CCSER1: variants seen among roughly 807,000 people sequenced by gnomAD.
CCSER1 encodes serine-rich coiled-coil domain-containing protein 1.
In CCSER1, 41 loss-of-function variants were observed where a neutral mutation model predicts 82.0. The ratio of observed to expected loss-of-function variants is 0.50; its 90% CI spans 0.39 to 0.65. The LOEUF (loss-of-function observed/expected upper bound fraction) is 0.65, where lower values mean the gene tolerates loss of function less well. CCSER1 is among the 30% of genes least tolerant of loss of function. The pLI, the probability that CCSER1 is intolerant of heterozygous loss-of-function variation, is 0.00. For synonymous variants in CCSER1, 414 were observed against 383.9 expected, an observed-to-expected ratio of 1.08 and a Z score of -0.92; for missense variants, 1,119 against 1,064.2, an observed-to-expected ratio of 1.05 and a Z score of -0.72.
chr4:90,684,357 G>T (rs1018374283), intron 6 of CCSER1, among the ~76,000 whole-genome samples: 1 of 152,014 alleles, frequency 6.6e-6, no homozygotes, highest in Non-Finnish European at 1.5e-5. Context: ...AGGATCAAAT[G>T]GCATAACTAG....
chr4:91,205,545 G>A (rs902929998), intron 10 of CCSER1, among the ~76,000 whole-genome samples: 1 of 151,630 alleles, frequency 6.6e-6, no homozygotes, highest in Non-Finnish European at 1.5e-5. Flanking sequence ...GAGAGTCTCA[G>A]TTTTCTTCTT....
intron 1 of CCSER1, among the ~76,000 whole-genome samples, chr4:90,135,235 G>T (rs1025729174): frequency 1.3e-5 from 2 of 152,048 alleles, no homozygotes; most frequent in Non-Finnish European, 2.9e-5. Flanking sequence ...TAGTAATTAG[G>T]CTTACTTCTA....
intron 5 of CCSER1, among the ~76,000 whole-genome samples, chr4:90,618,262 A>G (rs1052453680): frequency 3.3e-5 from 5 of 152,034 alleles, no homozygotes; most frequent in African/African-American, 1.2e-4. Flanking sequence ...GATTATGCCA[A>G]TACTTTTAGG....
At chr4:90,236,176 G>A (rs1033545469) in intron 1 of CCSER1, among the ~76,000 whole-genome samples, 2 of 152,078 alleles carry the variant, frequency 1.3e-5, no homozygotes, top group Non-Finnish European at 1.5e-5. Flanking sequence ...CAGTCCTCCC[G>A]CTGTGGCCTC....
intron 8 of CCSER1, among the ~76,000 whole-genome samples, chr4:90,905,724 A>G (rs1422901900): frequency 6.6e-6 from 1 of 152,150 alleles, no homozygotes; most frequent in Non-Finnish European, 1.5e-5. Context: ...CTATGTCATG[A>G]GAGCATTGTG....
intron 4 of CCSER1, among the ~76,000 whole-genome samples, chr4:90,420,351 G>T (rs1195246026): frequency 2.0e-5 from 3 of 151,980 alleles, no homozygotes; most frequent in African/African-American, 7.2e-5. Context: ...AACTGGGAGA[G>T]AATTTTAGAA....
At chr4:90,398,687 C>G (rs1005532332) in intron 3 of CCSER1, among the ~76,000 whole-genome samples, 1 of 152,080 alleles carries the variant, frequency 6.6e-6, no homozygotes, top group African/African-American at 2.4e-5. Flanking sequence ...TGGACTATCG[C>G]TGACACTGTA....
intron 10 of CCSER1, among the ~76,000 whole-genome samples, chr4:91,488,845 A>C (rs1758359216): frequency 6.6e-6 from 1 of 152,196 alleles, no homozygotes; most frequent in African/African-American, 2.4e-5. Flanking sequence ...GAAATAAACA[A>C]AGCCCCTGCG....
chr4:90,391,504 A>AATATATATAT (rs70963065), intron 3 of CCSER1, among the ~76,000 whole-genome samples: 1,085 of 79,368 alleles, frequency 0.014, 46 homozygotes, highest in East Asian at 0.046. Context: ...ACAGTGGGTA[A>AATATATATAT]ATATATATAT....
chr4:90,782,681 C>CTTTTTTTTT lies in CCSER1; in HGVS notation c.2011-33078_2011-33077insTTTTTTTTT, dbSNP rs200701722. 1.1e-3 allele frequency among the ~76,000 whole-genome samples: 141 copies of CTTTTTTTTT among 123,944 alleles called. 3 individuals are homozygous for CTTTTTTTTT. Among genetic ancestry groups the CTTTTTTTTT allele is most frequent in the South Asian group, 2.6e-3 (10 of 3,918 alleles). The allele number at this position is 123,944 out of a possible 152,430, so 81.3% of individuals were successfully genotyped here. On this transcript the variant is annotated intron_variant, in intron 7 of 10. Transcript: ENST00000509176. The stretch of plus-strand genomic sequence containing the variant: ...GGACAGGGATTTCTTTCTTTTCTTT[C>CTTTTTTTTT]TTTCTTTTTTTTTTTTTTTTGAGAC...
At chr4:91,195,965 A>G (rs10028548) in intron 10 of CCSER1, among the ~76,000 whole-genome samples, 98,613 of 151,888 alleles carry the variant, frequency 0.65, 33,288 homozygotes, top group African/African-American at 0.83. Context: ...TGATCCGCCC[A>G]CCTCGGCCTC....
chr4:90,811,906 TATATACACAC>T (rs1420235789), intron 7 of CCSER1, among the ~76,000 whole-genome samples: 2 of 76,288 alleles, frequency 2.6e-5, no homozygotes, highest in Non-Finnish European at 5.8e-5. Context: ...ATGGAATATA[TATATACACAC>T]ACACACACAC....
At chr4:91,573,106 A>C (rs1763271225) in intron 10 of CCSER1, among the ~76,000 whole-genome samples, 1 of 152,130 alleles carries the variant, frequency 6.6e-6, no homozygotes, top group Admixed American at 6.5e-5. Flanking sequence ...TGGCAGTCTG[A>C]CCACATTGTG....
At chr4:90,132,131 C>A (rs1370301111) in intron 1 of CCSER1, among the ~76,000 whole-genome samples, 1 of 152,082 alleles carries the variant, frequency 6.6e-6, no homozygotes, top group Non-Finnish European at 1.5e-5. Flanking sequence ...AAAGTGAAAG[C>A]CTATTTAATC....
intron 6 of CCSER1, among the ~76,000 whole-genome samples, chr4:90,702,367 A>G (rs986867712): frequency 1.3e-5 from 2 of 152,106 alleles, no homozygotes; most frequent in African/African-American, 2.4e-5. Context: ...TGCTGGATTC[A>G]GTTTGCCAGT....
chr4:90,690,296 A>G (rs1033237602), intron 6 of CCSER1, among the ~76,000 whole-genome samples: 19 of 152,228 alleles, frequency 1.2e-4, no homozygotes, highest in African/African-American at 4.6e-4. Context: ...TTGAGTAGAA[A>G]AATGAAGAGA....
chr4:91,028,522 C>T (rs1387935886), intron 9 of CCSER1, among the ~76,000 whole-genome samples: 1 of 151,942 alleles, frequency 6.6e-6, no homozygotes, highest in African/African-American at 2.4e-5. Context: ...ATTTTATTAT[C>T]TGTGGACATT....
chr4:91,496,593 TATATATTTGAATATATATATACACGA>T (rs1758829691), intron 10 of CCSER1, among the ~76,000 whole-genome samples: 1 of 22,986 alleles, frequency 4.4e-5, no homozygotes, highest in African/African-American at 1.0e-4. Flanking sequence ...TATACACGAA[TATATATTTGAATATATATATACACGA>T]ATATATATTT....
At chr4:90,167,562 G>T (rs1730715513) in intron 1 of CCSER1, among the ~76,000 whole-genome samples, 1 of 152,108 alleles carries the variant, frequency 6.6e-6, no homozygotes, top group Non-Finnish European at 1.5e-5. Flanking sequence ...CCATGTTGGT[G>T]CGCCGCACCC....
Sources: allele counts gnomAD v4.1 joint callset (sites outside exome capture counted in the v4.1 genomes callset), GRCh38; gene constraint gnomAD v4.1.1; transcripts MANE v1.5; gene names NCBI Gene and HGNC (gene_info 2026-07-23, HGNC 2026-07-21).